CNTNAP2: variants seen among roughly 807,000 people sequenced by gnomAD.
The protein encoded by CNTNAP2 is contactin-associated protein-like 2.
A neutral mutation model predicts 155.2 loss-of-function variants in CNTNAP2; 98 were observed. That is an observed-to-expected ratio of 0.63 (90% CI 0.54 to 0.75). The LOEUF is 0.75. Among genes scored for constraint, CNTNAP2 ranks in the 30% least tolerant of loss-of-function variants. CNTNAP2 has a pLI of 0.00. For missense variants in CNTNAP2, 1,727 were observed against 1,688.1 expected (o/e 1.02, Z -0.40); for synonymous variants, 651 against 631.2 (o/e 1.03, Z -0.47).
intron 21 of CNTNAP2, among the ~76,000 whole-genome samples, chr7:148,280,328 A>G (rs1484885214): frequency 6.6e-6 from 1 of 152,176 alleles, no homozygotes; most frequent in Non-Finnish European, 1.5e-5. Context: ...AAAATAAAAA[A>G]GAGAGATTCT....
chr7:147,448,405 A>G (rs1189835927), intron 10 of CNTNAP2, among the ~76,000 whole-genome samples: 1 of 151,744 alleles, frequency 6.6e-6, no homozygotes, highest in African/African-American at 2.4e-5. Context: ...ATTCTGAGAC[A>G]TTCTTCTTGC....
chr7:147,787,089 G>A (rs1009574643), intron 13 of CNTNAP2, among the ~76,000 whole-genome samples: 2 of 152,114 alleles, frequency 1.3e-5, no homozygotes, highest in African/African-American at 4.8e-5. Context: ...AGAAGTACAG[G>A]GCTGATGATG....
chr7:147,501,131 T>G (rs1343675287), intron 11 of CNTNAP2, among the ~76,000 whole-genome samples: 2 of 151,644 alleles, frequency 1.3e-5, no homozygotes, highest in East Asian at 1.9e-4. Context: ...AGGATAAGAA[T>G]CATATGATCA....
chr7:146,672,154 A>C lies in CNTNAP2; in HGVS notation c.98-102117A>C, dbSNP rs28714405. Reference sequence around the variant, plus strand: ...TTATCTGAGGTTATCTCCACATTGCACACACCCATCAGAGATGCTCTCTCT... The same window carrying C: ...TTATCTGAGGTTATCTCCACATTGCCCACACCCATCAGAGATGCTCTCTCT... On this transcript the variant is annotated intron_variant, in intron 1 of 23. Transcript: ENST00000361727. Among the ~76,000 whole-genome samples, 958 of 152,242 alleles carry C rather than the reference A, an allele frequency of 6.3e-3. 9 individuals carry two copies. Among genetic ancestry groups the C allele is most frequent in the African/African-American group, 0.022 (916 of 41,556 alleles).
chr7:147,096,873 G>A (rs1800546724), intron 4 of CNTNAP2, among the ~76,000 whole-genome samples: 2 of 152,200 alleles, frequency 1.3e-5, no homozygotes, highest in East Asian at 1.9e-4. Flanking sequence ...AGACCACAGA[G>A]TACTGTTTTT....
intron 1 of CNTNAP2, among the ~76,000 whole-genome samples, chr7:146,697,627 T>G (rs2129172626): frequency 6.6e-6 from 1 of 152,328 alleles, no homozygotes; most frequent in African/African-American, 2.4e-5. Flanking sequence ...TTGGTTAATG[T>G]TAGCATTGCT....
At chr7:147,014,985 T>A (rs924090326) in intron 3 of CNTNAP2, among the ~76,000 whole-genome samples, 2 of 152,074 alleles carry the variant, frequency 1.3e-5, no homozygotes, top group Non-Finnish European at 2.9e-5. Flanking sequence ...AAATGTCATA[T>A]AAAAGTTATT....
intron 8 of CNTNAP2, among the ~76,000 whole-genome samples, chr7:147,210,547 T>A (rs1803125501): frequency 6.6e-6 from 1 of 151,984 alleles, no homozygotes; most frequent in African/African-American, 2.4e-5. Flanking sequence ...TATAGCCAAC[T>A]TAATTTCATT....
intron 1 of CNTNAP2, among the ~76,000 whole-genome samples, chr7:146,646,894 T>G (rs1050338706): frequency 6.6e-6 from 1 of 152,088 alleles, no homozygotes; most frequent in Admixed American, 6.6e-5. Context: ...GAGCAAAAAT[T>G]AAATGGAATC....
intron 13 of CNTNAP2, among the ~76,000 whole-genome samples, chr7:147,838,488 C>A (rs907078443): frequency 2.6e-5 from 4 of 152,124 alleles, no homozygotes; most frequent in Admixed American, 6.5e-5. Context: ...TTTAAGAGCA[C>A]CCAAGTCACC....
intron 13 of CNTNAP2, among the ~76,000 whole-genome samples, chr7:147,651,300 G>A (rs904954444): frequency 6.6e-6 from 1 of 152,142 alleles, no homozygotes; most frequent in Non-Finnish European, 1.5e-5. Context: ...CTATTCTTAA[G>A]GCCTTTCAAC....
intron 1 of CNTNAP2, among the ~76,000 whole-genome samples, chr7:146,558,038 G>A (rs961107877): frequency 6.6e-6 from 1 of 152,106 alleles, no homozygotes; most frequent in Middle Eastern, 3.2e-3. Context: ...TTTTAGTACT[G>A]TGACAAACTC....
chr7:148,078,634 C>T (rs1036280710), intron 15 of CNTNAP2, among the ~76,000 whole-genome samples: 1 of 152,062 alleles, frequency 6.6e-6, no homozygotes, highest in African/African-American at 2.4e-5. Flanking sequence ...GTGCCCACCA[C>T]CATGCCCAGC....
intron 8 of CNTNAP2, among the ~76,000 whole-genome samples, chr7:147,218,406 G>C (rs1265715404): frequency 1.3e-5 from 2 of 151,538 alleles, no homozygotes; most frequent in Non-Finnish European, 2.9e-5. Context: ...GTGTTATTTA[G>C]AAGTGTGTTC....
chr7:147,546,240 A>G lies in CNTNAP2; in HGVS notation c.1778-15898A>G, dbSNP rs189998981. On this transcript the variant is annotated intron_variant, in intron 11 of 23. Coordinates refer to ENST00000361727, the MANE Select transcript of CNTNAP2 (RefSeq NM_014141.6). ...GAGGAGGTATGATTCATTAAAGAAC[A>G]CTACTGTAAAATTCTGTCAATGTGT... Among the ~76,000 whole-genome samples the G allele has an allele frequency of 9.2e-5, 14 of 152,304 alleles. No individual in the cohort carries two copies. The East Asian group carries it at 2.7e-3, about 29-fold the overall frequency.
intron 3 of CNTNAP2, among the ~76,000 whole-genome samples, chr7:146,999,876 A>T (rs149066105): frequency 1.3e-5 from 2 of 152,120 alleles, no homozygotes; most frequent in South Asian, 2.1e-4. Context: ...TTAAATCAGA[A>T]TGAAGACTTT....
chr7:148,366,262 A>G (rs562973491), intron 21 of CNTNAP2, among the ~76,000 whole-genome samples: 2 of 128,080 alleles, frequency 1.6e-5, no homozygotes, highest in African/African-American at 2.6e-5. Context: ...ATATGTGTGT[A>G]TATGTGTACA....
chr7:146,772,115 G>T (rs972614105), intron 1 of CNTNAP2, among the ~76,000 whole-genome samples: 1 of 152,014 alleles, frequency 6.6e-6, no homozygotes, highest in African/African-American at 2.4e-5. Context: ...CTTCATTTCA[G>T]ATAGAGCTTT....
chr7:148,080,776 A>T (rs895497813), intron 15 of CNTNAP2, among the ~76,000 whole-genome samples: 3 of 152,048 alleles, frequency 2.0e-5, no homozygotes, highest in African/African-American at 4.8e-5. Flanking sequence ...GATCAAAATT[A>T]TAGAGCAGGG....
Sources: allele counts gnomAD v4.1 joint callset (sites outside exome capture counted in the v4.1 genomes callset), GRCh38; gene constraint gnomAD v4.1.1; transcripts MANE v1.5; gene names NCBI Gene and HGNC (gene_info 2026-07-23, HGNC 2026-07-21).